The following EVC variants were observed in gnomAD, a reference collection of about 807,000 sequenced individuals.
EVC encodes evC complex member EVC.
A neutral mutation model predicts 118.9 loss-of-function variants in EVC; 116 were observed. The observed-to-expected ratio is 0.98, with a 90% confidence interval of 0.84 to 1.14. The LOEUF is 1.14. Ranked by LOEUF, EVC falls within the 50% of genes most tolerant of loss-of-function variation. The pLI is 0.00. For missense variants in EVC, 1,401 were observed against 1,246.4 expected, an observed-to-expected ratio of 1.12 and a Z score of -1.87; for synonymous variants, 619 against 534.7, an observed-to-expected ratio of 1.16 and a Z score of -2.18.
chr4:5,745,426 A>T, intron 7 of EVC, 85 bp downstream of exon 7: 1 of 1,434,562 alleles, frequency 7.0e-7, no homozygotes, highest in Non-Finnish European at 9.8e-7. Flanking sequence ...GATAGTTAGA[A>T]GTGTGCCTAA....
chr4:5,726,339 G>A (rs758857454), intron 2 of EVC, among the ~76,000 whole-genome samples: 5 of 152,144 alleles, frequency 3.3e-5, no homozygotes, highest in Admixed American at 6.5e-5. Flanking sequence ...TTCACTATCC[G>A]GTTGTTTCCA....
intron 13 of EVC, 122 bp downstream of exon 13, chr4:5,793,839 G>A: frequency 1.3e-6 from 1 of 760,494 alleles, no homozygotes; most frequent in Non-Finnish European, 2.3e-6. Context: ...GAATGTAAAT[G>A]ACTTAACGTT....
At position 5,731,602 on chromosome 4, in the gene EVC, C is replaced by T. The variant is rs766923110; in HGVS notation, c.562C>T (p.Leu188Phe). ...VHSATSDDRF[L>F]SRTFLRVNAF... ...CTCGGCCACCAGCGATGACAGGTTT[C>T]TCAGCCGCACCTTCCTCCGGGTGAA... The change falls in exon 4 of 21, where the codon CTC (leucine) becomes TTC (phenylalanine). Residue 188 changes from leucine (L) to phenylalanine (F), a missense_variant. Coordinates refer to ENST00000264956, the MANE Select transcript of EVC (RefSeq NM_153717.3). The surrounding 1 kb of genome is among the most constrained non-coding windows in gnomAD (Gnocchi z 5.6). 6.2e-7 allele frequency: 1 copy of T among 1,614,154 alleles called. No individual in the cohort carries two copies. The highest frequency in any genetic ancestry group is 1.3e-5 in the African/African-American group (1 of 75,038).
chr4:5,727,040 A>G (rs897414736), intron 2 of EVC, among the ~76,000 whole-genome samples: 2 of 152,106 alleles, frequency 1.3e-5, no homozygotes, highest in Non-Finnish European at 2.9e-5. Flanking sequence ...ATACATGTGC[A>G]TGTGTCTTTA....
intron 11 of EVC, among the ~76,000 whole-genome samples, chr4:5,762,108 G>C (rs1732145240): frequency 7.3e-6 from 1 of 136,380 alleles, no homozygotes; most frequent in Admixed American, 8.0e-5. Context: ...GTGTCCATGA[G>C]TTCTCATTGT....
chr4:5,810,536 A>G, intron 20 of EVC, 86 bp downstream of exon 20: 1 of 967,394 alleles, frequency 1.0e-6, no homozygotes, highest in Non-Finnish European at 1.6e-6. Context: ...GGGCAGGAAA[A>G]TCATCAGTCC....
At chr4:5,717,175 C>T (rs1724101604) in intron 1 of EVC, among the ~76,000 whole-genome samples, 1 of 152,050 alleles carries the variant, frequency 6.6e-6, no homozygotes, top group African/African-American at 2.4e-5. Flanking sequence ...TTTACATTAT[C>T]TTTGGAGAGA....
In EVC at chr4:5,790,472, C is replaced by G. The variant is rs534560577; in HGVS notation, c.1777-3136C>G. 1.5e-4 allele frequency among the ~76,000 whole-genome samples: 23 copies of G among 152,258 alleles called. No individual in the cohort carries two copies. The South Asian group carries it at 3.5e-3, about 23-fold the overall frequency. On this transcript the variant is annotated intron_variant, in intron 12 of 20. Coordinates refer to ENST00000264956, the MANE Select transcript of EVC (RefSeq NM_153717.3). ...ATCTCCAGGATGCCAGAGGTACAGC[C>G]TTTTACAAAGCCATGGAAAAGGGAC... is the stretch of plus-strand genomic sequence containing the variant.
chr4:5,730,466 T>G, intron 3 of EVC, among the ~76,000 whole-genome samples: 2 of 140,978 alleles, frequency 1.4e-5, no homozygotes, highest in East Asian at 2.5e-4. Context: ...ATCCTTCACG[T>G]GGTTGAAGGG....
Position 5,809,575 on chromosome 4 carries a change from G to A in EVC, c.2746G>A (p.Glu916Lys). 2 of 1,614,204 alleles carry A rather than the reference G, an allele frequency of 1.2e-6. No individual in the cohort carries two copies. Among genetic ancestry groups the A allele is most frequent in the Non-Finnish European group, 1.7e-6 (2 of 1,180,048 alleles). The change falls in exon 19 of 21, where the codon GAA becomes AAA. Residue 916 changes from glutamate (E) to lysine (K), a missense_variant. Glu to Lys is a moderately conservative substitution (Grantham distance 56). Transcript: ENST00000264956. ...AGCCTTGGCCCGAGTGCCCCTTGCT[G>A]AAAGCAAACTGTTGCCTGCTAAGCG... ...LAALARVPLAESKLLPAKRGL... is the reference protein window; with the variant it reads ...LAALARVPLAKSKLLPAKRGL...
the EVC span, among the ~76,000 whole-genome samples, chr4:5,820,563 C>G: frequency 1.3e-5 from 2 of 152,172 alleles, no homozygotes; most frequent in African/African-American, 4.8e-5. Context: ...TGGAAGCCCG[C>G]CCATCAGCCG....
Position 5,737,714 on chromosome 4 carries a change from C to T in EVC, c.703-4002C>T, listed in dbSNP as rs988553371. Reference sequence around the variant, plus strand: ...GCATAGTTTAAGCCCACTATTGACACCTACTGCCCAGAAAATAAACTTCTT... The same window carrying T: ...GCATAGTTTAAGCCCACTATTGACATCTACTGCCCAGAAAATAAACTTCTT... On this transcript the variant is annotated intron_variant, in intron 5 of 20. Coordinates refer to ENST00000264956, the MANE Select transcript of EVC (RefSeq NM_153717.3). This position sits in a 1 kb window ranked among gnomAD's most constrained non-coding sequence, Gnocchi z 5.0. 6.6e-6 allele frequency among the ~76,000 whole-genome samples: 1 copy of T among 152,170 alleles called. No individual in the cohort carries two copies. Among genetic ancestry groups the T allele is most frequent in the Admixed American group, 6.5e-5 (1 of 15,280 alleles).
chr4:5,756,122 G>C lies in EVC; in HGVS notation c.1465-142G>C. Reference sequence around the variant, plus strand: ...TGTGAAAGCCATGTGACAGCCCCATGCCTCAGTTTCCTTGTGTGTAATACA... The same window carrying C: ...TGTGAAAGCCATGTGACAGCCCCATCCCTCAGTTTCCTTGTGTGTAATACA... On this transcript the variant is annotated intron_variant, in intron 10 of 20. Coordinates refer to ENST00000264956, the MANE Select transcript of EVC (RefSeq NM_153717.3). The surrounding 1 kb of genome is among the most constrained non-coding windows in gnomAD (Gnocchi z 4.2). The C allele has an allele frequency of 1.4e-6, 1 of 692,054 alleles. No individual in the cohort carries two copies. Among genetic ancestry groups the C allele is most frequent in the South Asian group, 1.6e-5 (1 of 61,700 alleles). 42.9% of individuals were successfully genotyped at this position (692,054 alleles called of 1,614,324 possible).
In EVC at chr4:5,756,917, C is replaced by A. The variant is rs556626923; in HGVS notation, c.1563+555C>A. ...ATGCTGAGCCAGACAGAGCCCCTGC[C>A]TCAGGCAGCATCCTCAGTTGTTGGA... On this transcript the variant is annotated intron_variant, in intron 11 of 20. Transcript: ENST00000264956. This position sits in a 1 kb window ranked among gnomAD's most constrained non-coding sequence, Gnocchi z 4.2. 1.3e-5 allele frequency among the ~76,000 whole-genome samples: 2 copies of A among 152,148 alleles called. No homozygotes were observed. Among genetic ancestry groups the A allele is most frequent in the Admixed American group, 6.5e-5 (1 of 15,282 alleles).
chr4:5,802,681 A>G (rs954507129), intron 16 of EVC, among the ~76,000 whole-genome samples: 1 of 152,192 alleles, frequency 6.6e-6, no homozygotes, highest in African/African-American at 2.4e-5. Context: ...GATCCCTCGC[A>G]TGTGCAGTTT....
At chr4:5,795,661 T>C (rs886437559) in intron 13 of EVC, among the ~76,000 whole-genome samples, 1 of 151,862 alleles carries the variant, frequency 6.6e-6, no homozygotes, top group African/African-American at 2.4e-5. Flanking sequence ...CAAAAACAAA[T>C]AAACAAACAA....
chr4:5,825,848 C>A, the EVC span: 1 of 603,646 alleles, frequency 1.7e-6, no homozygotes, highest in African/African-American at 2.3e-5. This position sits in a 1 kb window ranked among gnomAD's most constrained non-coding sequence, Gnocchi z 4.4. Context: ...GGCATTCATA[C>A]ACACAAGCAT....
In EVC at chr4:5,798,589, G is replaced by T. The variant is rs1418368750; in HGVS notation, c.2101G>T (p.Ala701Ser). The change falls in exon 15 of 21, where the codon GCG becomes TCG. Residue 701 changes from alanine to serine, a missense_variant. By Grantham distance (99) the Ala-to-Ser change is moderately conservative. Transcript: ENST00000264956. The surrounding 1 kb of genome is among the most constrained non-coding windows in gnomAD (Gnocchi z 4.1). ...CTCCCAGTCCTTTCCCTCCCAGGAG[G>T]CGCGTGTGCTGGAGGAGGCCAGCCG... ...HQWQLLRALE[A>S]RVLEEASRLE... is the part of the protein sequence containing the mutation. 6.4e-7 allele frequency: 1 copy of T among 1,562,038 alleles called. No homozygotes were observed. Among genetic ancestry groups the T allele is most frequent in the South Asian group, 1.2e-5 (1 of 84,798 alleles).
rs1488865521 is a variant in EVC, at chr4:5,719,077, G to A, written c.175-171G>A. Among the ~76,000 whole-genome samples, 2 of 152,266 alleles carry A rather than the reference G, an allele frequency of 1.3e-5. No homozygotes were observed. The highest frequency in any genetic ancestry group is 4.8e-5 in the African/African-American group (2 of 41,550). On this transcript the variant is annotated intron_variant, in intron 1 of 20. Coordinates refer to ENST00000264956, the MANE Select transcript of EVC (RefSeq NM_153717.3). This position sits in a 1 kb window ranked among gnomAD's most constrained non-coding sequence, Gnocchi z 4.7. ...TTGAAGGACATGTAGCGGACCCCAC[G>A]TGGGGTGGGAGGCGTCACACACAGA...
Sources: gnomAD v4.1 joint callset for allele counts (sites outside exome capture counted in the v4.1 genomes callset) on GRCh38, gnomAD v4.1.1 for gene constraint, Gnocchi (gnomAD v3.1) non-coding constraint, MANE v1.5 for transcripts, NCBI Gene and HGNC (gene_info 2026-07-23, HGNC 2026-07-21) for gene names.